The following ATG5 variants were observed in gnomAD, a reference collection of about 807,000 sequenced individuals.
ATG5 encodes the protein autophagy related 5, also known as autophagy protein 5.
ATG5 carries 14 observed loss-of-function variants against 36.5 expected under a neutral mutation model. The ratio of observed to expected loss-of-function variants is 0.38; its 90% CI spans 0.25 to 0.60. The LOEUF (loss-of-function observed/expected upper bound fraction) is 0.60, where lower values mean the gene tolerates loss of function less well. ATG5 is among the 20% of genes least tolerant of loss of function. The pLI is 0.60. For synonymous variants in ATG5, 95 were observed against 101.5 expected (o/e 0.94, Z 0.38); for missense variants, 195 against 326.7 (o/e 0.60, Z 3.11).
At chr6:106,229,435 AG>A (rs1325415969) in intron 6 of ATG5, among the ~76,000 whole-genome samples, 1 of 149,988 alleles carries the variant, frequency 6.7e-6, no homozygotes, top group African/African-American at 2.5e-5. Flanking sequence ...AGAGACAGAG[AG>A]GAGAGAGAGA....
intron 6 of ATG5, among the ~76,000 whole-genome samples, chr6:106,239,380 T>G (rs996285466): frequency 7.2e-5 from 11 of 152,300 alleles, no homozygotes; most frequent in African/African-American, 2.6e-4. Context: ...CTGGGAAGAC[T>G]TAATATCATA....
intron 6 of ATG5, among the ~76,000 whole-genome samples, chr6:106,202,733 C>G (rs1213231114): frequency 6.6e-6 from 1 of 152,128 alleles, no homozygotes; most frequent in Non-Finnish European, 1.5e-5. Context: ...GCGATCTCAG[C>G]TCACTGCAAC....
chr6:106,215,943 A>T (rs1777022858), intron 6 of ATG5, among the ~76,000 whole-genome samples: 1 of 152,244 alleles, frequency 6.6e-6, no homozygotes, highest in Non-Finnish European at 1.5e-5. Context: ...AAATGAGCAA[A>T]GGATCTGAAG....
intron 1 of ATG5, among the ~76,000 whole-genome samples, chr6:106,318,208 T>A (rs575533056): frequency 6.6e-6 from 1 of 152,234 alleles, no homozygotes; most frequent in South Asian, 2.1e-4. Flanking sequence ...ATCTGATTGG[T>A]CAGATTCCAG....
At position 106,248,005 on chromosome 6, in the gene ATG5, G is replaced by C. The variant is rs971781403; in HGVS notation, c.573+145C>G. 5.2e-6 allele frequency: 3 copies of C among 574,128 alleles called. No homozygotes were observed. In the African/African-American group the frequency reaches 5.6e-5, roughly 11 times the overall value. The allele number at this position is 574,128 out of a possible 1,614,324, so 35.6% of individuals were successfully genotyped here. ...AATATTTCAGTGCGGTATCTGACTT[G>C]ATTGCCACTGAAAGACACAGTTTGG... is the stretch of plus-strand genomic sequence containing the variant. On this transcript the variant is annotated intron_variant, in intron 6 of 7. Transcript: ENST00000369076.
At chr6:106,273,084 A>T (rs1218101659) in intron 5 of ATG5, among the ~76,000 whole-genome samples, 1 of 152,198 alleles carries the variant, frequency 6.6e-6, no homozygotes, top group Non-Finnish European at 1.5e-5. Context: ...TTTGCTAAAG[A>T]CTGTAAAAAA....
In ATG5 at chr6:106,228,611, G is replaced by A. The variant is rs541136005; in HGVS notation, c.573+19539C>T. Among the ~76,000 whole-genome samples, 467 of 152,252 alleles carry A rather than the reference G, an allele frequency of 3.1e-3. 2 individuals carry two copies. Among genetic ancestry groups the A allele is most frequent in the Non-Finnish European group, 5.5e-3 (376 of 68,022 alleles). ...GAAGCAGCCCGCCACCATCTTCGGA[G>A]TTCTGGGAGCAAGGACCCCCTGGTA... On this transcript the variant is annotated intron_variant, in intron 6 of 7. Transcript: ENST00000369076.
chr6:106,243,763 G>A (rs562012941), intron 6 of ATG5, among the ~76,000 whole-genome samples: 3 of 150,790 alleles, frequency 2.0e-5, no homozygotes, highest in Admixed American at 6.6e-5. Context: ...CCCAAGAGGC[G>A]GAGGTTTCAG....
chr6:106,193,387 A>G (rs1281794491), intron 7 of ATG5, among the ~76,000 whole-genome samples: 1 of 152,180 alleles, frequency 6.6e-6, no homozygotes, highest in Non-Finnish European at 1.5e-5. Context: ...TTGACTCTTA[A>G]CATTTTAAAC....
rs563990869 is a variant in ATG5 at position 106,212,210 on chromosome 6, C to T, written c.574-10121G>A. Among the ~76,000 whole-genome samples, 79 of 152,340 alleles carry T rather than the reference C, an allele frequency of 5.2e-4. No homozygotes were observed. The South Asian group carries it at 0.016, about 32-fold the overall frequency. ...TGCTCTCATTTTTGTACAACAATTA[C>T]TAAATTTCTAAGTAGCATTAATTGA... On this transcript the variant is annotated intron_variant, in intron 6 of 7. Coordinates refer to ENST00000369076, the MANE Select transcript of ATG5 (RefSeq NM_004849.4).
chr6:106,203,026 G>GA (rs1776497139), intron 6 of ATG5, among the ~76,000 whole-genome samples: 1 of 152,154 alleles, frequency 6.6e-6, no homozygotes, highest in African/African-American at 2.4e-5. Flanking sequence ...GAGAGACAGA[G>GA]AATGTGTGTG....
chr6:106,300,931 C>T (rs1051180509), intron 3 of ATG5, among the ~76,000 whole-genome samples: 3 of 151,972 alleles, frequency 2.0e-5, no homozygotes, highest in Non-Finnish European at 4.4e-5. Context: ...ATTTATTTTA[C>T]AGTTGACAAA....
chr6:106,265,636 G>A (rs1388335953), intron 5 of ATG5, among the ~76,000 whole-genome samples: 1 of 152,038 alleles, frequency 6.6e-6, no homozygotes, highest in Non-Finnish European at 1.5e-5. Flanking sequence ...GCAAAATAAT[G>A]GAAATCATAA....
intron 5 of ATG5, among the ~76,000 whole-genome samples, chr6:106,269,581 C>T (rs1047209972): frequency 2.6e-5 from 4 of 152,250 alleles, no homozygotes; most frequent in Non-Finnish European, 5.9e-5. Context: ...GGTGAGAAAT[C>T]GAGTGCAGCG....
intron 3 of ATG5, among the ~76,000 whole-genome samples, chr6:106,306,289 T>C (rs1770443539): frequency 6.6e-6 from 1 of 152,186 alleles, no homozygotes; most frequent in Admixed American, 6.5e-5. Context: ...ATATAAGCCA[T>C]ATTGAATACA....
intron 3 of ATG5, among the ~76,000 whole-genome samples, chr6:106,303,573 T>C (rs1045989299): frequency 1.3e-5 from 2 of 152,148 alleles, no homozygotes; most frequent in Non-Finnish European, 2.9e-5. Flanking sequence ...AAAGCCCGTA[T>C]AACCCTAATG....
Position 106,186,695 on chromosome 6 carries a change from C to A in ATG5, c.692-19G>T, listed in dbSNP as rs751653699. The A allele has an allele frequency of 9.3e-6, 15 of 1,611,002 alleles. No individual in the cohort carries two copies. The South Asian group carries it at 1.3e-4, about 14-fold the overall frequency. On this transcript the variant is annotated intron_variant, in intron 7 of 7. Coordinates refer to ENST00000369076, the MANE Select transcript of ATG5 (RefSeq NM_004849.4). ...TCCCCATCTATTCCAAGAAAGAAACCCAACAACAATAAAAGTCAAAACAGT... is the reference window on the plus strand; with the variant it reads ...TCCCCATCTATTCCAAGAAAGAAACACAACAACAATAAAAGTCAAAACAGT...
chr6:106,315,965 T>G, intron 2 of ATG5, 136 bp downstream of exon 2: 1 of 642,590 alleles, frequency 1.6e-6, no homozygotes. Flanking sequence ...TGCTTATCTG[T>G]GTTAATTTTT....
At chr6:106,255,684 C>A (rs990521556) in intron 5 of ATG5, among the ~76,000 whole-genome samples, 1 of 152,104 alleles carries the variant, frequency 6.6e-6, no homozygotes, top group Non-Finnish European at 1.5e-5. Flanking sequence ...ATTCAAAACT[C>A]AAAAATTTCA....
Sources: allele counts gnomAD v4.1 joint callset (sites outside exome capture counted in the v4.1 genomes callset), GRCh38; gene constraint gnomAD v4.1.1; transcripts MANE v1.5; gene names NCBI Gene and HGNC (gene_info 2026-07-23, HGNC 2026-07-21).